BLOC1S3: variants seen among roughly 807,000 people sequenced by gnomAD.
BLOC1S3 encodes biogenesis of lysosomal organelles complex 1 subunit 3.
Under a neutral mutation model 9.1 loss-of-function variants are expected in BLOC1S3, and 7 were observed. That is an observed-to-expected ratio of 0.77 (90% CI 0.44 to 1.45). The LOEUF is 1.45. BLOC1S3 is among the 40% of genes most tolerant of loss of function. BLOC1S3 has a pLI of 0.01. For synonymous variants in BLOC1S3, 145 were observed against 158.4 expected (o/e 0.92, Z 0.64); for missense variants, 307 against 315.2 (o/e 0.97, Z 0.20).
At chr19:45,199,705 C>A (rs535738047) in intron 2 of BLOC1S3, among the ~76,000 whole-genome samples, 1 of 148,900 alleles carries the variant, frequency 6.7e-6, no homozygotes, top group Non-Finnish European at 1.5e-5. Context: ...CTTCTGTTCT[C>A]TTCTCTTCTG....
intron 3 of BLOC1S3, among the ~76,000 whole-genome samples, chr19:45,210,046 AAAAACAAAAC>A (rs61681909): frequency 0.011 from 1,636 of 152,036 alleles, 33 homozygotes; most frequent in African/African-American, 0.037. Context: ...ACTCTGTCTC[AAAAACAAAAC>A]AAAACAAAAC....
At position 45,193,540 on chromosome 19, in the gene BLOC1S3, C is replaced by CT. The variant is rs548604386; in HGVS notation, n.180+5808dup. 1.4e-4 allele frequency among the ~76,000 whole-genome samples: 21 copies of CT among 151,738 alleles called. No homozygotes were observed. The East Asian group carries it at 1.8e-3, about 13-fold the overall frequency. On this transcript the variant is annotated intron_variant and non_coding_transcript_variant, in intron 2 of 3. Coordinates refer to the BLOC1S3 transcript ENST00000591569. ...TCAGAGATGGTCTCTGTCAAAAGAACTTTTTTTTACTATAAATAAGCCATA... is the reference window on the plus strand; with the variant it reads ...TCAGAGATGGTCTCTGTCAAAAGAACTTTTTTTTTACTATAAATAAGCCATA...
At chr19:45,212,070 G>A (rs1030843259) in intron 3 of BLOC1S3, among the ~76,000 whole-genome samples, 7 of 152,214 alleles carry the variant, frequency 4.6e-5, no homozygotes, top group Admixed American at 3.3e-4. Flanking sequence ...TCCCGGCTAA[G>A]GATGGATGGG....
downstream of BLOC1S3, among the ~76,000 whole-genome samples, chr19:45,183,344 C>T (rs1398170325): frequency 6.6e-6 from 1 of 151,682 alleles, no homozygotes; most frequent in Admixed American, 6.6e-5. Flanking sequence ...GGCATGGTGG[C>T]ACATGCCTGT....
intron 3 of BLOC1S3, among the ~76,000 whole-genome samples, chr19:45,206,282 C>T (rs1251602984): frequency 2.7e-5 from 4 of 147,910 alleles, no homozygotes; most frequent in African/African-American, 1.0e-4. Flanking sequence ...GCTTGAACCC[C>T]GGAGGTGGAG....
intron 3 of BLOC1S3, among the ~76,000 whole-genome samples, chr19:45,202,984 T>A (rs966063294): frequency 2.0e-5 from 3 of 152,064 alleles, no homozygotes; most frequent in African/African-American, 7.2e-5. Flanking sequence ...GGACTCCGCC[T>A]GGTGCCCTAT....
downstream of BLOC1S3, among the ~76,000 whole-genome samples, chr19:45,182,402 G>A (rs751930590): frequency 2.5e-4 from 37 of 150,662 alleles, no homozygotes; most frequent in Non-Finnish European, 4.0e-4. Context: ...GCGCAGTTAC[G>A]CATGTCTTTA....
At chr19:45,199,605 C>A (rs552647298) in intron 2 of BLOC1S3, among the ~76,000 whole-genome samples, 2 of 151,518 alleles carry the variant, frequency 1.3e-5, no homozygotes, top group East Asian at 2.0e-4. Context: ...TGAGCCACTG[C>A]GCCTGGCCTT....
downstream of BLOC1S3, among the ~76,000 whole-genome samples, chr19:45,183,864 T>C (rs1364302360): frequency 6.6e-6 from 1 of 152,082 alleles, no homozygotes; most frequent in East Asian, 1.9e-4. Context: ...CTCAAACTCC[T>C]GACCTTGTGA....
chr19:45,212,099 A>G (rs1268291174), intron 3 of BLOC1S3, among the ~76,000 whole-genome samples: 1 of 152,190 alleles, frequency 6.6e-6, no homozygotes, highest in Non-Finnish European at 1.5e-5. Context: ...GCCAAGATGG[A>G]GCCACCAGGA....
chr19:45,183,341 T>C (rs1969540856), downstream of BLOC1S3, among the ~76,000 whole-genome samples: 3 of 151,710 alleles, frequency 2.0e-5, no homozygotes, highest in African/African-American at 7.3e-5. Flanking sequence ...TTAGGCATGG[T>C]GGCACATGCC....
chr19:45,193,492 G>A (rs1969622918), intron 2 of BLOC1S3, among the ~76,000 whole-genome samples: 2 of 152,046 alleles, frequency 1.3e-5, no homozygotes, highest in Admixed American at 6.6e-5. Context: ...TCTGTGACTA[G>A]TAATTCCAAT....
upstream of BLOC1S3, among the ~76,000 whole-genome samples, chr19:45,187,075 T>C (rs1969570977): frequency 6.6e-6 from 1 of 152,192 alleles, no homozygotes; most frequent in African/African-American, 2.4e-5. Flanking sequence ...CTGAGCTAGT[T>C]GGAGCAGGAG....
chr19:45,204,685 A>G (rs141490468), intron 3 of BLOC1S3, among the ~76,000 whole-genome samples: 1 of 152,192 alleles, frequency 6.6e-6, no homozygotes, highest in Non-Finnish European at 1.5e-5. Flanking sequence ...GCCTCTTGCC[A>G]TGCCCAGCTT....
chr19:45,194,102 CTTTTTTTT>C (rs34470523), intron 2 of BLOC1S3, among the ~76,000 whole-genome samples: 2 of 45,120 alleles, frequency 4.4e-5, no homozygotes, highest in South Asian at 7.9e-4. Context: ...CGCGCCTGGC[CTTTTTTTT>C]TTTTTTTTTT....
chr19:45,205,469 A>G (rs949834836), intron 3 of BLOC1S3, among the ~76,000 whole-genome samples: 2 of 152,192 alleles, frequency 1.3e-5, no homozygotes, highest in Non-Finnish European at 2.9e-5. Flanking sequence ...TGGCCAAAAT[A>G]CACTTTAAAT....
In BLOC1S3 at chr19:45,179,546, G is replaced by A. The variant is rs776954921; in HGVS notation, c.250G>A (p.Val84Met). The A allele has an allele frequency of 5.3e-6, 8 of 1,522,142 alleles. No individual in the cohort carries two copies. Among genetic ancestry groups the A allele is most frequent in the Non-Finnish European group, 7.0e-6 (8 of 1,142,230 alleles). 94.3% of individuals were successfully genotyped at this position (1,522,142 alleles called of 1,614,324 possible). A position where few individuals can be genotyped will look rare whatever the true frequency, so the allele number is the denominator to read the frequency against. Residue 84 changes from valine (V) to methionine (M), a missense_variant, in exon 2 of 2, where the codon GTG (valine) becomes ATG (methionine). Val to Met is a conservative substitution (Grantham distance 21, BLOSUM62 1). Coordinates refer to ENST00000433642, the MANE Select transcript of BLOC1S3 (RefSeq NM_212550.5). This position sits in a 1 kb window ranked among gnomAD's most constrained non-coding sequence, Gnocchi z 4.6. ...TAAPRDLPPLVVQRESAEEAW... is the reference protein window; with the variant it reads ...TAAPRDLPPLMVQRESAEEAW... ...CGCGCCGAGGGACCTGCCTCCACTC[G>A]TGGTGCAGCGGGAATCGGCGGAGGA...
intron 3 of BLOC1S3, among the ~76,000 whole-genome samples, chr19:45,210,613 CT>C (rs915629815): frequency 3.5e-4 from 51 of 143,856 alleles, no homozygotes; most frequent in African/African-American, 1.3e-3. Context: ...TTTTTTTTTT[CT>C]TTTTTAATGA....
downstream of BLOC1S3, among the ~76,000 whole-genome samples, chr19:45,182,040 G>A (rs578152388): frequency 7.9e-5 from 12 of 152,266 alleles, no homozygotes; most frequent in Admixed American, 5.9e-4. Flanking sequence ...CCCAGTCCCT[G>A]CCCTCACAGA....
Sources: allele counts gnomAD v4.1 joint callset (sites outside exome capture counted in the v4.1 genomes callset), GRCh38; gene constraint gnomAD v4.1.1; non-coding constraint Gnocchi (gnomAD v3.1); transcripts MANE v1.5; gene names NCBI Gene and HGNC (gene_info 2026-07-23, HGNC 2026-07-21).